CNOT7: variants seen among roughly 807,000 people sequenced by gnomAD.
CNOT7 encodes the protein BTG1-binding factor 1.
CNOT7 carries 4 observed loss-of-function variants against 37.1 expected under a neutral mutation model. The observed-to-expected ratio is 0.11, with a 90% confidence interval of 0.05 to 0.25. CNOT7 has a LOEUF of 0.25. Among genes scored for constraint, CNOT7 ranks in the 10% least tolerant of loss-of-function variants. The probability of loss-of-function intolerance (pLI) is 1.00; values close to 1 mark genes in which losing one functional copy is unlikely to be tolerated. For missense variants in CNOT7, 170 were observed against 336.2 expected, an observed-to-expected ratio of 0.51 and a Z score of 3.87; for synonymous variants, 128 against 115.6, an observed-to-expected ratio of 1.11 and a Z score of -0.69.
In CNOT7 at chr8:17,244,767, A is replaced by G. The variant is rs1406394743; in HGVS notation, c.117+269T>C. 1.2e-5 allele frequency: 4 copies of G among 325,452 alleles called. No homozygotes were observed. In the East Asian group the frequency reaches 1.9e-4, roughly 16 times the overall value. The allele number at this position is 325,452 out of a possible 1,614,324, so 20.2% of individuals were successfully genotyped here. On this transcript the variant is annotated intron_variant, in intron 2 of 6. Coordinates refer to ENST00000361272, the MANE Select transcript of CNOT7 (RefSeq NM_013354.7). Reference sequence around the variant, plus strand: ...CCTTCCCCTAAGACCACCTGACACGAGCCCAAATCCTTCCTAACTCTTATT... The same window carrying G: ...CCTTCCCCTAAGACCACCTGACACGGGCCCAAATCCTTCCTAACTCTTATT...
rs1407168450 is a variant in CNOT7 at position 17,229,509 on chromosome 8, C to G, written c.*1211G>C. 8 of 152,086 alleles carry G rather than the reference C, an allele frequency of 5.3e-5. No individual in the cohort carries two copies. Among genetic ancestry groups the G allele is most frequent in the Admixed American group, 1.3e-4 (2 of 15,196 alleles). 9.4% of individuals were successfully genotyped at this position (152,086 alleles called of 1,614,324 possible). On this transcript the variant is annotated 3_prime_UTR_variant, in exon 7 of 7. Coordinates refer to ENST00000361272, the MANE Select transcript of CNOT7 (RefSeq NM_013354.7). ...AAAGTCTTCCTACACATGCTCTGGT[C>G]TGGTCACATATTCTGCATGGCTAAG...
chr8:17,238,049 C>T (rs73200910), intron 3 of CNOT7, among the ~76,000 whole-genome samples: 5,381 of 152,246 alleles, frequency 0.035, 153 homozygotes, highest in Non-Finnish European at 0.051. Context: ...ACCAATTCTT[C>T]AAGATTTCAC....
rs532615248 is a variant in CNOT7 at position 17,235,367 on chromosome 8, C to G, written c.474-507G>C. Among the ~76,000 whole-genome samples, 4 of 152,298 alleles carry G rather than the reference C, an allele frequency of 2.6e-5. No homozygotes were observed. In the South Asian group the frequency reaches 8.3e-4, roughly 32 times the overall value. The stretch of plus-strand genomic sequence containing the variant: ...CTTTATCCAAAGAATAAGACTGTAA[C>G]AAGGTATTTTCACTTCTCTTAAATG... On this transcript the variant is annotated intron_variant, in intron 4 of 6. Transcript: ENST00000361272.
intron 2 of CNOT7, 73 bp downstream of exon 2, chr8:17,244,963 T>G (rs752908643): frequency 4.9e-6 from 6 of 1,226,598 alleles, no homozygotes; most frequent in Admixed American, 2.2e-5. Flanking sequence ...ACCAAAAGGG[T>G]TGAATTCAAG....
chr8:17,242,186 T>G (rs532476477), intron 3 of CNOT7: 2 of 152,322 alleles, frequency 1.3e-5, no homozygotes, highest in South Asian at 4.1e-4. Flanking sequence ...ACTCAGGTAG[T>G]GGCCCGGGTC....
rs541943173 is a variant in CNOT7, at chr8:17,229,828, G to C, written c.*892C>G. 3 of 128,206 alleles carry C rather than the reference G, an allele frequency of 2.3e-5. No homozygotes were observed. The highest frequency in any genetic ancestry group is 5.5e-5 in the Non-Finnish European group (3 of 54,894). 7.9% of individuals were successfully genotyped at this position (128,206 alleles called of 1,614,324 possible). On this transcript the variant is annotated 3_prime_UTR_variant, in exon 7 of 7. Coordinates refer to ENST00000361272, the MANE Select transcript of CNOT7 (RefSeq NM_013354.7). The stretch of plus-strand genomic sequence containing the variant: ...ACAAATCAAGAGCATCATAAGAATG[G>C]CTACAAAATTTAAAAAAAAAAAAAG...
intron 4 of CNOT7, among the ~76,000 whole-genome samples, chr8:17,235,830 A>G (rs978366091): frequency 1.3e-5 from 2 of 152,252 alleles, no homozygotes; most frequent in Non-Finnish European, 2.9e-5. Context: ...CTTGATAAAT[A>G]TTCAAATATA....
In CNOT7 at chr8:17,227,539, A is replaced by AAATG. The variant is rs371444735; in HGVS notation, c.*3177_*3180dup. On this transcript the variant is annotated 3_prime_UTR_variant, in exon 7 of 7. Transcript: ENST00000361272. Reference sequence around the variant, plus strand: ...AAGCACGATGTAATTCAGCATTAGTAAATGGTTTTCTTTGCTTGGCTAACA... The same window carrying AAATG: ...AAGCACGATGTAATTCAGCATTAGTAAATGAATGGTTTTCTTTGCTTGGCTAACA... 4.3e-4 allele frequency: 65 copies of AAATG among 152,062 alleles called. 1 individual carries two copies. Among genetic ancestry groups the AAATG allele is most frequent in the African/African-American group, 1.5e-3 (64 of 41,562 alleles). 9.4% of individuals were successfully genotyped at this position (152,062 alleles called of 1,614,324 possible).
chr8:17,229,080 G>C lies in CNOT7; in HGVS notation c.*1640C>G, dbSNP rs1006040099. 9.2e-5 allele frequency: 14 copies of C among 151,884 alleles called. No homozygotes were observed. The highest frequency in any genetic ancestry group is 3.4e-4 in the African/African-American group (14 of 41,400). 9.4% of individuals were successfully genotyped at this position (151,884 alleles called of 1,614,324 possible). ...AGAATAAGCCAACACTTGAAATGCA[G>C]AAAACTCAGACTGATTTTTCAATTA... On this transcript the variant is annotated 3_prime_UTR_variant, in exon 7 of 7. Coordinates refer to ENST00000361272, the MANE Select transcript of CNOT7 (RefSeq NM_013354.7).
intron 6 of CNOT7, chr8:17,231,823 TAAG>T: frequency 5.1e-6 from 5 of 985,802 alleles, no homozygotes; most frequent in Non-Finnish European, 6.0e-6. Context: ...TTTTGCCGTT[TAAG>T]GAGGGTTTTC....
intron 3 of CNOT7, among the ~76,000 whole-genome samples, chr8:17,240,488 G>A (rs1488186012): frequency 6.6e-6 from 1 of 152,026 alleles, no homozygotes; most frequent in Non-Finnish European, 1.5e-5. Flanking sequence ...AGCAAAACTT[G>A]GTAGTAAACT....
rs374349961 is a variant in CNOT7, at chr8:17,234,640, T to C, written c.618+76A>G. 2.8e-6 allele frequency: 4 copies of C among 1,454,342 alleles called. No homozygotes were observed. The South Asian group carries it at 4.6e-5, about 17-fold the overall frequency. 90.1% of individuals were successfully genotyped at this position (1,454,342 alleles called of 1,614,324 possible). A position where few individuals can be genotyped will look rare whatever the true frequency, so the allele number is the denominator to read the frequency against. ...CTTTAAAATATGGTTTAAAACAACA[T>C]CCCAGCCTAGGCTCGCATGACAGTC... On this transcript the variant is annotated intron_variant, in intron 5 of 6. Coordinates refer to ENST00000361272, the MANE Select transcript of CNOT7 (RefSeq NM_013354.7).
At chr8:17,244,027 T>C (rs1324100002) in intron 2 of CNOT7, among the ~76,000 whole-genome samples, 1 of 152,202 alleles carries the variant, frequency 6.6e-6, no homozygotes, top group East Asian at 1.9e-4. Context: ...CAAGTCACTA[T>C]GAAATAGTAA....
At chr8:17,240,803 G>A (rs1487202353) in intron 3 of CNOT7, among the ~76,000 whole-genome samples, 1 of 152,196 alleles carries the variant, frequency 6.6e-6, no homozygotes, top group Non-Finnish European at 1.5e-5. Context: ...TTTCACAGAT[G>A]TAGTTCTTAT....
chr8:17,240,377 C>T (rs1182733377), intron 3 of CNOT7, among the ~76,000 whole-genome samples: 1 of 151,344 alleles, frequency 6.6e-6, no homozygotes, highest in Non-Finnish European at 1.5e-5. Flanking sequence ...AGCTCAACAG[C>T]TATTGTTAGC....
intron 4 of CNOT7, among the ~76,000 whole-genome samples, chr8:17,236,207 A>C (rs1156940221): frequency 6.6e-6 from 1 of 152,334 alleles, no homozygotes; most frequent in East Asian, 1.9e-4. Context: ...ACAGTCCTTC[A>C]CTATAAACAT....
chr8:17,234,912 A>G (rs1201493186), intron 4 of CNOT7, 52 bp from the exon 5 acceptor site: 1 of 1,516,560 alleles, frequency 6.6e-7, no homozygotes, highest in South Asian at 1.3e-5. Context: ...TACTATAAAG[A>G]TTAAAAAAAA....
chr8:17,234,601 C>T, intron 5 of CNOT7, 115 bp downstream of exon 5: 1 of 1,053,368 alleles, frequency 9.5e-7, no homozygotes, highest in Middle Eastern at 2.0e-4. Context: ...AATATAATTG[C>T]ATTCACTGTA....
In CNOT7 at chr8:17,229,658, A is replaced by T. The variant is rs181945193; in HGVS notation, c.*1062T>A. 2.0e-5 allele frequency: 3 copies of T among 151,700 alleles called. No homozygotes were observed. The highest frequency in any genetic ancestry group is 3.0e-5 in the Non-Finnish European group (2 of 67,738). The allele number at this position is 151,700 out of a possible 1,614,324, so 9.4% of individuals were successfully genotyped here. On this transcript the variant is annotated 3_prime_UTR_variant, in exon 7 of 7. Transcript: ENST00000361272. ...TATATATATATGAGAATATATATATATTTTGTTGTTTTGTACCAAATCTCT... is the reference window on the plus strand; with the variant it reads ...TATATATATATGAGAATATATATATTTTTTGTTGTTTTGTACCAAATCTCT...
Sources: gnomAD v4.1 joint callset for allele counts (sites outside exome capture counted in the v4.1 genomes callset) on GRCh38, gnomAD v4.1.1 for gene constraint, MANE v1.5 for transcripts, NCBI Gene and HGNC (gene_info 2026-07-23, HGNC 2026-07-21) for gene names.